COL21A1: variants seen among roughly 807,000 people sequenced by gnomAD.
COL21A1 encodes collagen alpha-1(XXI) chain.
Under a neutral mutation model 137.9 loss-of-function variants are expected in COL21A1, and 149 were observed. The observed-to-expected ratio is 1.08, with a 90% confidence interval of 0.95 to 1.24. The LOEUF (loss-of-function observed/expected upper bound fraction) is 1.24, where lower values mean the gene tolerates loss of function less well. Among genes scored for constraint, COL21A1 ranks in the 50% most tolerant of loss-of-function variants. The probability of loss-of-function intolerance (pLI) is 0.00; values close to 1 mark genes in which losing one functional copy is unlikely to be tolerated. For synonymous variants in COL21A1, 456 were observed against 391.5 expected (o/e 1.16, Z -1.95); for missense variants, 1,167 against 1,158.4 (o/e 1.01, Z -0.11).
intron 16 of COL21A1, among the ~76,000 whole-genome samples, chr6:56,103,073 C>T (rs1770590988): frequency 6.6e-6 from 1 of 152,116 alleles, no homozygotes; most frequent in South Asian, 2.1e-4. Flanking sequence ...GAACTTAACA[C>T]TCATATCAAT....
intron 1 of COL21A1, among the ~76,000 whole-genome samples, chr6:56,261,228 C>T (rs1025439661): frequency 2.0e-5 from 3 of 152,108 alleles, no homozygotes; most frequent in Non-Finnish European, 4.4e-5. Flanking sequence ...GAGCGCCTCC[C>T]TCAGTTTTGC....
At chr6:56,105,406 G>C (rs947923321) in intron 16 of COL21A1, among the ~76,000 whole-genome samples, 5 of 151,996 alleles carry the variant, frequency 3.3e-5, no homozygotes, top group African/African-American at 1.2e-4. Flanking sequence ...TGTATTTTTG[G>C]CTATATTATT....
chr6:56,107,494 A>T (rs1771056770), intron 16 of COL21A1, among the ~76,000 whole-genome samples: 1 of 152,190 alleles, frequency 6.6e-6, no homozygotes, highest in African/African-American at 2.4e-5. Flanking sequence ...TAAATTCTGA[A>T]ACATATGCTA....
chr6:56,221,801 A>G lies in COL21A1; in HGVS notation c.-39+25586T>C, dbSNP rs540622030. On this transcript the variant is annotated intron_variant, in intron 1 of 29. Transcript: ENST00000244728. ...AGGTTTGACATAGCTCTATTCTTTTACTATCAGTGTTTCCATGGTAATGCT... is the reference window on the plus strand; with the variant it reads ...AGGTTTGACATAGCTCTATTCTTTTGCTATCAGTGTTTCCATGGTAATGCT... 9.2e-5 allele frequency among the ~76,000 whole-genome samples: 14 copies of G among 152,146 alleles called. No individual in the cohort carries two copies. In the East Asian group the frequency reaches 1.5e-3, roughly 17 times the overall value.
At chr6:56,123,592 T>G (rs1772740885) in intron 16 of COL21A1, among the ~76,000 whole-genome samples, 1 of 152,202 alleles carries the variant, frequency 6.6e-6, no homozygotes, top group Non-Finnish European at 1.5e-5. Flanking sequence ...AATATGATGG[T>G]GCTAATGGAC....
chr6:56,202,291 G>A (rs1302089054), intron 1 of COL21A1, among the ~76,000 whole-genome samples: 2 of 152,082 alleles, frequency 1.3e-5, no homozygotes, highest in Admixed American at 6.6e-5. Context: ...GAGGAAAAAG[G>A]GAAAATCACA....
intron 20 of COL21A1, 75 bp downstream of exon 20, chr6:56,074,157 A>C: frequency 9.6e-7 from 1 of 1,046,012 alleles, no homozygotes; most frequent in South Asian, 1.6e-5. Flanking sequence ...GGTAGTAGTA[A>C]AATTTTCATC....
intron 1 of COL21A1, among the ~76,000 whole-genome samples, chr6:56,303,095 G>C (rs1440252453): frequency 1.3e-5 from 2 of 152,198 alleles, no homozygotes; most frequent in Non-Finnish European, 2.9e-5. Flanking sequence ...CTATATCTCT[G>C]TTTTGGTACC....
At chr6:56,198,027 ATACTATTTAGACT>A (rs1779143709) in intron 1 of COL21A1, among the ~76,000 whole-genome samples, 1 of 152,086 alleles carries the variant, frequency 6.6e-6, no homozygotes, top group South Asian at 2.1e-4. Flanking sequence ...ACAGGAGAGA[ATACTATTTAGACT>A]TACAAAAAAA....
chr6:56,176,520 C>G (rs1294272292), intron 3 of COL21A1, among the ~76,000 whole-genome samples: 1 of 150,884 alleles, frequency 6.6e-6, no homozygotes, highest in Non-Finnish European at 1.5e-5. Context: ...AAATGTCCAA[C>G]ATCACTAATC....
intron 1 of COL21A1, chr6:56,276,509 C>T (rs901431644): frequency 8.3e-6 from 9 of 1,079,514 alleles, no homozygotes; most frequent in Non-Finnish European, 2.7e-6. Context: ...TAAAATAAAC[C>T]AGAAAACACC....
chr6:56,077,724 T>C lies in COL21A1; in HGVS notation c.1813-151A>G, dbSNP rs1767371672. The C allele has an allele frequency of 9.1e-6, 5 of 552,348 alleles. No homozygotes were observed. In the East Asian group the frequency reaches 1.5e-4, roughly 17 times the overall value. 34.2% of individuals were successfully genotyped at this position (552,348 alleles called of 1,614,324 possible). A position where few individuals can be genotyped will look rare whatever the true frequency, so the allele number is the denominator to read the frequency against. On this transcript the variant is annotated intron_variant, in intron 17 of 29. Coordinates refer to ENST00000244728, the MANE Select transcript of COL21A1 (RefSeq NM_030820.4). ...TATTGCTATTTGTAATAATCCAATATGGAAAAGACAACTTAGGAGATATAG... is the reference window on the plus strand; with the variant it reads ...TATTGCTATTTGTAATAATCCAATACGGAAAAGACAACTTAGGAGATATAG...
chr6:56,393,226 A>G (rs2094033368), intron 1 of COL21A1, among the ~76,000 whole-genome samples: 1 of 152,238 alleles, frequency 6.6e-6, no homozygotes. Flanking sequence ...TTCAACAAAA[A>G]TGCCAAGAAT....
intron 1 of COL21A1, among the ~76,000 whole-genome samples, chr6:56,361,775 T>A (rs1246088770): frequency 1.3e-5 from 2 of 152,048 alleles, no homozygotes; most frequent in East Asian, 3.9e-4. Flanking sequence ...CGTGTGTGTG[T>A]GTGGTGTGTG....
chr6:56,323,908 G>C (rs1764936207), intron 1 of COL21A1, among the ~76,000 whole-genome samples: 1 of 152,114 alleles, frequency 6.6e-6, no homozygotes, highest in African/African-American at 2.4e-5. Flanking sequence ...CAGATGGGGA[G>C]AGGGTTCAGG....
intron 1 of COL21A1, among the ~76,000 whole-genome samples, chr6:56,290,765 G>T (rs543614779): frequency 3.1e-4 from 47 of 152,276 alleles, no homozygotes; most frequent in African/African-American, 1.1e-3. Flanking sequence ...CTCCAAAAGT[G>T]CTGGGATTAC....
rs756954117 is a variant in COL21A1 at position 56,074,253 on chromosome 6, C to T, written c.1944G>A (p.Gln648=). The change falls in exon 20 of 30, where the codon CAG becomes CAA. Residue 648 remains glutamine, a synonymous_variant. Coordinates refer to ENST00000244728, the MANE Select transcript of COL21A1 (RefSeq NM_030820.4). ...GLMGSNGSPG[Q]PGTPGSKGSK... Reference sequence around the variant, plus strand: ...TTACCTTAGATCCCGGTGTTCCAGGCTGGCCTGGTGAGCCATTGCTTCCCA... The same window carrying T: ...TTACCTTAGATCCCGGTGTTCCAGGTTGGCCTGGTGAGCCATTGCTTCCCA... 6 of 1,591,468 alleles carry T rather than the reference C, an allele frequency of 3.8e-6. No individual in the cohort carries two copies. In the African/African-American group the frequency reaches 6.8e-5, roughly 18 times the overall value.
chr6:56,231,844 A>G (rs1446336957), intron 1 of COL21A1, among the ~76,000 whole-genome samples: 1 of 151,874 alleles, frequency 6.6e-6, no homozygotes, highest in Non-Finnish European at 1.5e-5. Context: ...TCTTTTCATA[A>G]GTTTTTTGAT....
intron 21 of COL21A1, among the ~76,000 whole-genome samples, chr6:56,070,108 G>A (rs1766614444): frequency 6.6e-6 from 1 of 151,508 alleles, no homozygotes; most frequent in Admixed American, 6.6e-5. Flanking sequence ...ATATTTGTAA[G>A]AGATGCAACA....
Sources: allele counts gnomAD v4.1 joint callset (sites outside exome capture counted in the v4.1 genomes callset), GRCh38; gene constraint gnomAD v4.1.1; transcripts MANE v1.5; gene names NCBI Gene and HGNC (gene_info 2026-07-23, HGNC 2026-07-21).